The following SV2C variants were observed in gnomAD, a reference collection of about 807,000 sequenced individuals.
The protein encoded by SV2C is solute carrier family 22 member B3.
A neutral mutation model predicts 79.7 loss-of-function variants in SV2C; 49 were observed. The observed-to-expected ratio is 0.61, with a 90% CI of 0.49 to 0.78. The LOEUF (loss-of-function observed/expected upper bound fraction) is 0.78. Ranked by LOEUF, SV2C falls within the 30% of genes least tolerant of loss-of-function variation. The pLI, the probability that SV2C is intolerant of heterozygous loss-of-function variation, is 0.00. For synonymous variants in SV2C, 334 were observed against 333.2 expected, an observed-to-expected ratio of 1.00 and a Z score of -0.03; for missense variants, 833 against 912.9, an observed-to-expected ratio of 0.91 and a Z score of 1.13.
intron 1 of SV2C, among the ~76,000 whole-genome samples, chr5:76,128,149 G>C (rs1327375464): frequency 6.6e-6 from 1 of 152,192 alleles, no homozygotes; most frequent in Non-Finnish European, 1.5e-5. Context: ...GGAGCATCAT[G>C]TACTTAGAGA....
the SV2C span, among the ~76,000 whole-genome samples, chr5:75,857,046 T>A: frequency 9.5e-5 from 14 of 147,992 alleles, no homozygotes; most frequent in East Asian, 2.9e-3. Context: ...AACCTCTGCC[T>A]CCCGGATTCA....
intron 1 of SV2C, among the ~76,000 whole-genome samples, chr5:76,089,926 T>C (rs898195509): frequency 3.3e-5 from 5 of 152,258 alleles, no homozygotes; most frequent in Admixed American, 2.6e-4. Context: ...GCTCCTAGCA[T>C]GTTACTTCAT....
chr5:76,073,532 T>TATA, the SV2C span, among the ~76,000 whole-genome samples: 4 of 128,638 alleles, frequency 3.1e-5, no homozygotes, highest in African/African-American at 1.3e-4. Flanking sequence ...TATATATATA[T>TATA]ATATATATAT....
chr5:75,990,878 C>A, the SV2C span, among the ~76,000 whole-genome samples: 5 of 152,026 alleles, frequency 3.3e-5, no homozygotes, highest in African/African-American at 1.2e-4. Context: ...TCAGAGACTA[C>A]AATGCATTGG....
chr5:75,853,607 C>CAAAA, the SV2C span, among the ~76,000 whole-genome samples: 525 of 28,374 alleles, frequency 0.019, 49 homozygotes, highest in African/African-American at 0.045. Context: ...GACTCCGTCT[C>CAAAA]AAAAAAAAAA....
At chr5:75,955,454 T>C in the SV2C span, among the ~76,000 whole-genome samples, 2,440 of 147,838 alleles carry the variant, frequency 0.017, 55 homozygotes, top group African/African-American at 0.056. Flanking sequence ...AGAAGAAAAC[T>C]TAGGCATTAC....
At chr5:76,133,449 T>C (rs1946253) in intron 2 of SV2C, among the ~76,000 whole-genome samples, 35,480 of 152,170 alleles carry the variant, frequency 0.23, 6,653 homozygotes, top group African/African-American at 0.51. Flanking sequence ...AATTAAATGC[T>C]ATATCCTAAT....
At chr5:76,036,792 G>C in the SV2C span, among the ~76,000 whole-genome samples, 3 of 152,158 alleles carry the variant, frequency 2.0e-5, no homozygotes, top group Non-Finnish European at 4.4e-5. Flanking sequence ...ATGTTGGCCT[G>C]CCTTGCTAGA....
At chr5:75,952,306 CCAACTTCCTTT>C in the SV2C span, among the ~76,000 whole-genome samples, 5 of 147,592 alleles carry the variant, frequency 3.4e-5, no homozygotes, top group Non-Finnish European at 7.4e-5. Context: ...TTCCTTCCTT[CCAACTTCCTTT>C]CTTCTAACTC....
the SV2C span, among the ~76,000 whole-genome samples, chr5:75,937,444 G>C: frequency 6.6e-6 from 1 of 152,206 alleles, no homozygotes; most frequent in East Asian, 1.9e-4. Context: ...CTCATGCTTG[G>C]AATCCCAGCA....
chr5:76,237,409 C>T (rs950158067), intron 4 of SV2C, among the ~76,000 whole-genome samples: 1 of 152,092 alleles, frequency 6.6e-6, no homozygotes, highest in African/African-American at 2.4e-5. Context: ...AACTATCTTA[C>T]CACCATTTTT....
At chr5:76,049,007 G>GAAAGAAAGAAAGAAAGAAAGAA in the SV2C span, among the ~76,000 whole-genome samples, 7 of 88,890 alleles carry the variant, frequency 7.9e-5, no homozygotes, top group Admixed American at 3.1e-4. Context: ...AAGAAAGAAA[G>GAAAGAAAGAAAGAAAGAAAGAA]AAAGAAAGAA....
At chr5:76,260,944 T>G (rs781394097) in intron 4 of SV2C, among the ~76,000 whole-genome samples, 1 of 124,852 alleles carries the variant, frequency 8.0e-6, no homozygotes, top group Non-Finnish European at 1.8e-5. Context: ...TGGTTCCATA[T>G]GAAATTTCAA....
At chr5:76,155,942 CAAAAAAAAAA>C (rs56340029) in intron 2 of SV2C, among the ~76,000 whole-genome samples, 1 of 58,070 alleles carries the variant, frequency 1.7e-5, no homozygotes, top group Non-Finnish European at 3.1e-5. Flanking sequence ...AGGTTTCTCT[CAAAAAAAAAA>C]AAAAAAAAAA....
chr5:76,128,379 G>T (rs976036544), intron 1 of SV2C, among the ~76,000 whole-genome samples: 3 of 152,176 alleles, frequency 2.0e-5, no homozygotes, highest in Non-Finnish European at 2.9e-5. Flanking sequence ...AGACAATTTA[G>T]AGAAGCGGTT....
the SV2C span, among the ~76,000 whole-genome samples, chr5:75,964,470 T>G: frequency 6.6e-6 from 1 of 152,132 alleles, no homozygotes; most frequent in Admixed American, 6.6e-5. Context: ...TGTGCAGGGA[T>G]AGGGGAGGAA....
chr5:76,002,230 G>A, the SV2C span, among the ~76,000 whole-genome samples: 1 of 152,014 alleles, frequency 6.6e-6, no homozygotes, highest in African/African-American at 2.4e-5. Context: ...GGGCATTTAG[G>A]TTGGTTCTAT....
the SV2C span, among the ~76,000 whole-genome samples, chr5:75,926,519 T>A: frequency 1.3e-5 from 2 of 152,216 alleles, no homozygotes; most frequent in African/African-American, 4.8e-5. Flanking sequence ...GGTGCCTGAA[T>A]TTTCTTGGCT....
chr5:76,332,673 C>T lies in SV2C; in HGVS notation c.*7126C>T, dbSNP rs1302206831. The T allele has an allele frequency of 1.3e-5, 2 of 152,108 alleles. No homozygotes were observed. Among genetic ancestry groups the T allele is most frequent in the Non-Finnish European group, 2.9e-5 (2 of 68,034 alleles). The allele number at this position is 152,108 out of a possible 1,614,324, so 9.4% of individuals were successfully genotyped here. A position where few individuals can be genotyped will look rare whatever the true frequency, so the allele number is the denominator to read the frequency against. On this transcript the variant is annotated 3_prime_UTR_variant, in exon 13 of 13. Transcript: ENST00000502798. ...TGACAGTATTTTTGTAGTTTGAGAT[C>T]AGCTATAGTGGTGGTATTTATACCA...
Sources: allele counts gnomAD v4.1 joint callset (sites outside exome capture counted in the v4.1 genomes callset), GRCh38; gene constraint gnomAD v4.1.1; transcripts MANE v1.5; gene names NCBI Gene and HGNC (gene_info 2026-07-23, HGNC 2026-07-21).